Variants in TMEFF1 observed in about 807,000 individuals in gnomAD.
TMEFF1 encodes transmembrane protein with EGF like and two follistatin like domains 1.
In TMEFF1, 20 loss-of-function variants were observed where a neutral mutation model predicts 47.5. That is an observed-to-expected ratio of 0.42 (90% CI 0.30 to 0.61). The LOEUF (loss-of-function observed/expected upper bound fraction) is 0.61. Among genes scored for constraint, TMEFF1 ranks in the 20% least tolerant of loss-of-function variants. TMEFF1 has a pLI of 0.19. For synonymous variants in TMEFF1, 162 were observed against 166.3 expected (o/e 0.97, Z 0.20); for missense variants, 411 against 471.1 (o/e 0.87, Z 1.18).
In TMEFF1 at chr9:100,572,654, G is replaced by A. The variant is rs1345385211; in HGVS notation, c.1036G>A (p.Ala346Thr). 2 of 1,610,820 alleles carry A rather than the reference G, an allele frequency of 1.2e-6. No homozygotes were observed. The highest frequency in any genetic ancestry group is 4.5e-5 in the East Asian group (2 of 44,794). The change falls in exon 9 of 10, where the codon GCA becomes ACA. Residue 346 changes from alanine (A) to threonine (T), a missense_variant. Physicochemically the swap from Ala to Thr is moderately conservative, Grantham distance 58. Coordinates refer to ENST00000374879, the MANE Select transcript of TMEFF1 (RefSeq NM_003692.5). ...AGCTGTACAGATTGCCATCATAGTA[G>A]CAATTGTAATGTGCATAACAAGGTA... The part of the protein sequence containing the change: ...IGAVQIAIIV[A>T]IVMCITRKCP...
At chr9:100,566,542 T>C (rs936060038) in intron 8 of TMEFF1, among the ~76,000 whole-genome samples, 89 of 152,344 alleles carry the variant, frequency 5.8e-4, no homozygotes, top group African/African-American at 2.1e-3. Context: ...CTGGGAATTC[T>C]GTTTCAGAAT....
rs1388603259 is a variant in TMEFF1, at chr9:100,473,337, C to T, written c.-208C>T. 8.4e-6 allele frequency: 2 copies of T among 237,454 alleles called. No homozygotes were observed. The highest frequency in any genetic ancestry group is 1.5e-5 in the Non-Finnish European group (2 of 130,462). The allele number at this position is 237,454 out of a possible 1,614,324, so 14.7% of individuals were successfully genotyped here. ...CCCTTGCGCGCCCGCGACCCTCGCA[C>T]GCGCCCGGACCCGCCGACTCCGTCC... On this transcript the variant is annotated 5_prime_UTR_variant, in exon 1 of 10. In the 5' UTR this introduces an upstream ATG that the reference lacks. Coordinates refer to ENST00000374879, the MANE Select transcript of TMEFF1 (RefSeq NM_003692.5). The surrounding 1 kb of genome is among the most constrained non-coding windows in gnomAD (Gnocchi z 5.4).
intron 1 of TMEFF1, among the ~76,000 whole-genome samples, chr9:100,487,135 AT>A (rs1837465300): frequency 7.0e-6 from 1 of 143,748 alleles, no homozygotes; most frequent in Non-Finnish European, 1.5e-5. Context: ...CTTTCTCTTT[AT>A]TTTATTTTTT....
chr9:100,534,140 G>A (rs1838459444), intron 5 of TMEFF1, among the ~76,000 whole-genome samples: 1 of 152,192 alleles, frequency 6.6e-6, no homozygotes, highest in East Asian at 1.9e-4. Context: ...AGAAAGAAAA[G>A]TGGGAGTGTT....
At chr9:100,558,069 T>C (rs1838949263) in intron 7 of TMEFF1, among the ~76,000 whole-genome samples, 1 of 152,200 alleles carries the variant, frequency 6.6e-6, no homozygotes, top group Non-Finnish European at 1.5e-5. Context: ...ATATGTTTAT[T>C]GGTGCCATAC....
Position 100,513,335 on chromosome 9 carries a change from T to C in TMEFF1, c.463+2T>C. 6.3e-7 allele frequency: 1 copy of C among 1,596,108 alleles called. No homozygotes were observed. The highest frequency in any genetic ancestry group is 8.5e-7 in the Non-Finnish European group (1 of 1,173,506). The stretch of plus-strand genomic sequence containing the variant: ...ATGGATCTGGATCTGGAGAAGGAGG[T>C]AAGTTTCAAGTACCTCTTAAAGGAT... On this transcript the variant is annotated splice_donor_variant, in intron 4 of 9. Coordinates refer to ENST00000374879, the MANE Select transcript of TMEFF1 (RefSeq NM_003692.5). LOFTEE classifies it high-confidence loss of function.
intron 7 of TMEFF1, among the ~76,000 whole-genome samples, chr9:100,553,643 G>A (rs1838865724): frequency 6.6e-6 from 1 of 152,200 alleles, no homozygotes; most frequent in Non-Finnish European, 1.5e-5. Context: ...TGTTGTAGAT[G>A]TTGAAGTCAT....
chr9:100,565,828 C>T (rs1247123461), intron 8 of TMEFF1, among the ~76,000 whole-genome samples: 1 of 152,152 alleles, frequency 6.6e-6, no homozygotes, highest in East Asian at 1.9e-4. Flanking sequence ...GAAAAAAACT[C>T]CTCATTCTCA....
At chr9:100,487,959 G>A (rs996043085) in intron 1 of TMEFF1, among the ~76,000 whole-genome samples, 6 of 152,098 alleles carry the variant, frequency 3.9e-5, no homozygotes, top group Non-Finnish European at 7.4e-5. Flanking sequence ...TTCAGTGCCA[G>A]TATGCAAGTT....
chr9:100,551,336 C>T (rs559275086), intron 7 of TMEFF1, among the ~76,000 whole-genome samples: 1 of 152,308 alleles, frequency 6.6e-6, no homozygotes, highest in East Asian at 1.9e-4. Context: ...TGTTACTTCT[C>T]TTACTTGAAT....
rs111898631 is a variant in TMEFF1 at position 100,534,022 on chromosome 9, C to G, written c.561-13722C>G. Among the ~76,000 whole-genome samples the G allele has an allele frequency of 6.8e-4, 103 of 152,156 alleles. 1 individual carries two copies. Among genetic ancestry groups the G allele is most frequent in the African/African-American group, 2.4e-3 (98 of 41,516 alleles). On this transcript the variant is annotated intron_variant, in intron 5 of 9. Transcript: ENST00000374879. The stretch of plus-strand genomic sequence containing the variant: ...GTGAGCCACCACTCCCGGCCTTTAT[C>G]TATTCTTTTGAGCAAAAACTTTGAG...
chr9:100,515,826 C>A (rs999399924), intron 4 of TMEFF1, among the ~76,000 whole-genome samples: 1 of 151,892 alleles, frequency 6.6e-6, no homozygotes, highest in South Asian at 2.1e-4. Context: ...AAAAAAGACA[C>A]TCCCTGAATA....
chr9:100,481,814 G>A (rs1047023995), intron 1 of TMEFF1, among the ~76,000 whole-genome samples: 4 of 152,050 alleles, frequency 2.6e-5, no homozygotes, highest in African/African-American at 9.7e-5. Flanking sequence ...ACGGAGTCTA[G>A]CTCTGTCACC....
At chr9:100,501,014 G>A (rs149458039) in intron 2 of TMEFF1, among the ~76,000 whole-genome samples, 2 of 152,238 alleles carry the variant, frequency 1.3e-5, no homozygotes, top group Non-Finnish European at 2.9e-5. Flanking sequence ...GTTTATACGC[G>A]GAAACTGGGA....
At chr9:100,516,847 A>G in intron 5 of TMEFF1, 76 bp downstream of exon 5, 1 of 1,516,078 alleles carries the variant, frequency 6.6e-7, no homozygotes, top group Non-Finnish European at 8.8e-7. Context: ...GAAAGGTATC[A>G]TTTACCTGGT....
intron 1 of TMEFF1, among the ~76,000 whole-genome samples, chr9:100,479,221 T>C (rs1008850421): frequency 3.3e-5 from 5 of 152,188 alleles, no homozygotes; most frequent in African/African-American, 1.2e-4. Flanking sequence ...TCTAATATAC[T>C]GGATGTTAAG....
At chr9:100,482,811 G>A (rs536933492) in intron 1 of TMEFF1, among the ~76,000 whole-genome samples, 3 of 152,224 alleles carry the variant, frequency 2.0e-5, no homozygotes, top group African/African-American at 4.8e-5. Flanking sequence ...GTGCCTAGGT[G>A]TTTTGGTCTG....
At chr9:100,553,404 G>A (rs1435899122) in intron 7 of TMEFF1, among the ~76,000 whole-genome samples, 1 of 152,232 alleles carries the variant, frequency 6.6e-6, no homozygotes, top group Non-Finnish European at 1.5e-5. Flanking sequence ...GTAAGGCAGT[G>A]ATCTGGGGAT....
chr9:100,493,489 A>G (rs1284295249), intron 1 of TMEFF1, among the ~76,000 whole-genome samples: 6 of 152,194 alleles, frequency 3.9e-5, no homozygotes, highest in Non-Finnish European at 8.8e-5. Context: ...CATAGAAAGC[A>G]GAGTTTCTCC....
Sources: gnomAD v4.1 joint callset for allele counts (sites outside exome capture counted in the v4.1 genomes callset) on GRCh38, gnomAD v4.1.1 for gene constraint, Gnocchi (gnomAD v3.1) non-coding constraint, MANE v1.5 for transcripts, NCBI Gene and HGNC (gene_info 2026-07-23, HGNC 2026-07-21) for gene names.